The following XXYLT1 variants were observed in gnomAD, a reference collection of about 807,000 sequenced individuals.
XXYLT1 encodes UDP-xylose:alpha-xyloside alpha-1,3-xylosyltransferase.
In XXYLT1, 20 loss-of-function variants were observed where a neutral mutation model predicts 28.9. The ratio of observed to expected loss-of-function variants is 0.69; its 90% confidence interval spans 0.49 to 1.00. XXYLT1 has a LOEUF of 1.00. XXYLT1 is among the 50% of genes least tolerant of loss of function. XXYLT1 has a pLI of 0.00. For missense variants in XXYLT1, 542 were observed against 560.1 expected (o/e 0.97, Z 0.33); for synonymous variants, 257 against 253.8 (o/e 1.01, Z -0.12).
At chr3:195,080,055 T>A (rs1199311758) in intron 3 of XXYLT1, among the ~76,000 whole-genome samples, 1 of 151,556 alleles carries the variant, frequency 6.6e-6, no homozygotes, top group Non-Finnish European at 1.5e-5. Flanking sequence ...GGCAGGAATT[T>A]AGGAGAATGT....
At chr3:195,143,802 A>ATC in intron 3 of XXYLT1, among the ~76,000 whole-genome samples, 14 of 72,938 alleles carry the variant, frequency 1.9e-4, no homozygotes, top group Non-Finnish European at 3.3e-4. Context: ...ATATATATAG[A>ATC]TAGATATATA....
intron 2 of XXYLT1, among the ~76,000 whole-genome samples, chr3:195,218,405 A>G (rs1723669689): frequency 6.6e-6 from 1 of 152,174 alleles, no homozygotes; most frequent in Non-Finnish European, 1.5e-5. Context: ...AAATTTTCGC[A>G]ACCAACTCAT....
intron 3 of XXYLT1, among the ~76,000 whole-genome samples, chr3:195,106,345 G>C (rs1717084870): frequency 6.6e-6 from 1 of 150,438 alleles, no homozygotes; most frequent in Non-Finnish European, 1.5e-5. Flanking sequence ...TTGTGTTTTT[G>C]ATGGAGAGAT....
intron 1 of XXYLT1, among the ~76,000 whole-genome samples, chr3:195,239,809 A>T (rs1724702260): frequency 6.6e-6 from 1 of 152,134 alleles, no homozygotes; most frequent in Non-Finnish European, 1.5e-5. Flanking sequence ...GTTCCCTGTG[A>T]ATTTATGTAG....
In XXYLT1 at chr3:195,173,833, G is replaced by A. The variant is rs1424565444; in HGVS notation, c.653-17252C>T. Among the ~76,000 whole-genome samples the A allele has an allele frequency of 6.6e-6, 1 of 152,240 alleles. No homozygotes were observed. The highest frequency in any genetic ancestry group is 1.5e-5 in the Non-Finnish European group (1 of 68,044). On this transcript the variant is annotated intron_variant, in intron 2 of 3. Coordinates refer to ENST00000310380, the MANE Select transcript of XXYLT1 (RefSeq NM_152531.5). The surrounding 1 kb of genome is among the most constrained non-coding windows in gnomAD (Gnocchi z 4.3). ...CCAGGGAGTCCCTCCTATGGGCCATGAGTGGCAATGACCTCATTTCCCTGA... is the reference window on the plus strand; with the variant it reads ...CCAGGGAGTCCCTCCTATGGGCCATAAGTGGCAATGACCTCATTTCCCTGA...
intron 3 of XXYLT1, among the ~76,000 whole-genome samples, chr3:195,138,864 A>AG (rs969638670): frequency 2.6e-5 from 4 of 151,144 alleles, no homozygotes; most frequent in African/African-American, 9.7e-5. Flanking sequence ...CAGGAAAAAA[A>AG]AAAAAAAAAA....
At chr3:195,187,432 C>T (rs1722250944) in intron 2 of XXYLT1, among the ~76,000 whole-genome samples, 2 of 152,112 alleles carry the variant, frequency 1.3e-5, no homozygotes, top group South Asian at 4.1e-4. Context: ...CCAGCCTCCA[C>T]TGTTATTATT....
intron 3 of XXYLT1, among the ~76,000 whole-genome samples, chr3:195,154,816 G>A (rs1720473262): frequency 6.6e-6 from 1 of 152,142 alleles, no homozygotes. Flanking sequence ...AACTTGCCTT[G>A]GTCTCTCACT....
intron 3 of XXYLT1, among the ~76,000 whole-genome samples, chr3:195,132,080 C>T (rs1228199139): frequency 6.6e-6 from 1 of 152,160 alleles, no homozygotes; most frequent in Admixed American, 6.5e-5. Context: ...TCAGTGCCAG[C>T]CTGCAATACC....
rs1276065153 is a variant in XXYLT1, at chr3:195,124,731, T to A, written c.785+31718A>T. Among the ~76,000 whole-genome samples, 1 of 152,106 alleles carries A rather than the reference T, an allele frequency of 6.6e-6. No homozygotes were observed. The highest frequency in any genetic ancestry group is 2.4e-5 in the African/African-American group (1 of 41,402). ...GTGGACCCCACATCAACCTCCAGTA[T>A]CACAAGACTGCCCTCGCTGGCCGGG... On this transcript the variant is annotated intron_variant, in intron 3 of 3. Coordinates refer to ENST00000310380, the MANE Select transcript of XXYLT1 (RefSeq NM_152531.5). The surrounding 1 kb of genome is among the most constrained non-coding windows in gnomAD (Gnocchi z 4.1).
At chr3:195,179,383 G>A (rs1198010387) in intron 2 of XXYLT1, among the ~76,000 whole-genome samples, 3 of 149,772 alleles carry the variant, frequency 2.0e-5, no homozygotes, top group Admixed American at 6.7e-5. Flanking sequence ...TGATGGGATC[G>A]TACCTCAGAG....
chr3:195,254,139 G>C (rs1241932892), intron 1 of XXYLT1, among the ~76,000 whole-genome samples: 1 of 152,234 alleles, frequency 6.6e-6, no homozygotes, highest in Admixed American at 6.5e-5. Context: ...TCAGCGCTTG[G>C]AGACTCTGGC....
Position 195,168,282 on chromosome 3 carries a change from C to T in XXYLT1, c.653-11701G>A, listed in dbSNP as rs144818794. 6.9e-4 allele frequency among the ~76,000 whole-genome samples: 105 copies of T among 152,316 alleles called. 1 individual carries two copies. Among genetic ancestry groups the T allele is most frequent in the African/African-American group, 2.5e-3 (102 of 41,564 alleles). ...GAATGGTCTTTGCCCCTCACTCATA[C>T]CTTGTTTGTTCTCAGAACAGCACAA... On this transcript the variant is annotated intron_variant, in intron 2 of 3. Transcript: ENST00000310380. The surrounding 1 kb of genome is among the most constrained non-coding windows in gnomAD (Gnocchi z 4.3).
intron 2 of XXYLT1, among the ~76,000 whole-genome samples, chr3:195,170,565 C>G (rs1721356867): frequency 6.6e-6 from 1 of 152,242 alleles, no homozygotes; most frequent in Non-Finnish European, 1.5e-5. Flanking sequence ...GTTCATCTCA[C>G]CTGGCTTCGT....
intron 3 of XXYLT1, among the ~76,000 whole-genome samples, chr3:195,120,287 C>A (rs1273770120): frequency 7.1e-6 from 1 of 140,702 alleles, no homozygotes; most frequent in African/African-American, 2.6e-5. Flanking sequence ...CTCAGATGCC[C>A]CCCCCGCCCC....
At chr3:195,163,953 CT>C (rs1720992827) in intron 2 of XXYLT1, among the ~76,000 whole-genome samples, 1 of 152,260 alleles carries the variant, frequency 6.6e-6, no homozygotes, top group Non-Finnish European at 1.5e-5. Flanking sequence ...TTTAAGCATC[CT>C]TCCTGGAAGT....
At chr3:195,099,830 C>CAAAAAAAAAAAAAAAAAAAAAAAA (rs35428286) in intron 3 of XXYLT1, among the ~76,000 whole-genome samples, 3 of 97,222 alleles carry the variant, frequency 3.1e-5, no homozygotes, top group African/African-American at 1.0e-4. Context: ...GACTCTGTCT[C>CAAAAAAAAAAAAAAAAAAAAAAAA]AAAAAAAAAA....
chr3:195,083,119 C>T (rs1715530538), intron 3 of XXYLT1, among the ~76,000 whole-genome samples: 1 of 152,204 alleles, frequency 6.6e-6, no homozygotes, highest in South Asian at 2.1e-4. Context: ...AGCGTCTCTT[C>T]CTGAGTCACT....
intron 2 of XXYLT1, among the ~76,000 whole-genome samples, chr3:195,181,396 G>C (rs746341139): frequency 3.3e-4 from 50 of 152,216 alleles, no homozygotes; most frequent in Non-Finnish European, 3.4e-4. Flanking sequence ...CTGGCCCTGA[G>C]TGTCTACTTG....
Sources: allele counts gnomAD v4.1 joint callset (sites outside exome capture counted in the v4.1 genomes callset), GRCh38; gene constraint gnomAD v4.1.1; non-coding constraint Gnocchi (gnomAD v3.1); transcripts MANE v1.5; gene names NCBI Gene and HGNC (gene_info 2026-07-23, HGNC 2026-07-21).